OPA1: variants seen among roughly 807,000 people sequenced by gnomAD.
OPA1 encodes dynamin-like GTPase OPA1, mitochondrial.
In OPA1, 59 loss-of-function variants were observed where a neutral mutation model predicts 152.9. The observed-to-expected ratio is 0.39, with a 90% confidence interval of 0.31 to 0.48. The LOEUF (loss-of-function observed/expected upper bound fraction) is 0.48, where lower values mean the gene tolerates loss of function less well. Among genes scored for constraint, OPA1 ranks in the 20% least tolerant of loss-of-function variants. The pLI is 0.96. For missense variants in OPA1, 1,008 were observed against 1,216.8 expected (o/e 0.83, Z 2.55); for synonymous variants, 400 against 389.9 (o/e 1.03, Z -0.31).
intron 1 of OPA1, chr3:193,613,864 C>T (rs1022212533): frequency 1.2e-5 from 6 of 512,046 alleles, no homozygotes; most frequent in Non-Finnish European, 2.3e-5. Flanking sequence ...AGGTGTGAGC[C>T]ACCACACCCT....
rs188090613 is a variant in OPA1, at chr3:193,647,191, T to A, written c.1870+11T>A. ...CTGATAGTTTCAAAGGTAAGTTGGA[T>A]TTTTTAAAGAAGCAAGCAAATTAAG... On this transcript the variant is annotated intron_variant, in intron 19 of 30. Coordinates refer to ENST00000361510, the MANE Select transcript of OPA1 (RefSeq NM_130837.3). 1.0e-5 allele frequency: 16 copies of A among 1,571,872 alleles called. No individual in the cohort carries two copies. In the Admixed American group the frequency reaches 2.5e-4, roughly 25 times the overall value.
At chr3:193,607,988 G>T (rs1936282401) in intron 1 of OPA1, among the ~76,000 whole-genome samples, 1 of 152,164 alleles carries the variant, frequency 6.6e-6, no homozygotes. Context: ...TCCCTTGTAT[G>T]TTGGATTCCT....
At chr3:193,662,738 A>C (rs1715590959) in intron 25 of OPA1, 84 bp from the exon 26 acceptor site, 4 of 1,063,790 alleles carry the variant, frequency 3.8e-6, no homozygotes, top group Admixed American at 2.0e-5. Flanking sequence ...ATGCAATAGT[A>C]ATGTATTTAT....
At chr3:193,676,766 G>A (rs1032161647) in intron 29 of OPA1, among the ~76,000 whole-genome samples, 2 of 152,052 alleles carry the variant, frequency 1.3e-5, no homozygotes, top group Admixed American at 6.6e-5. Context: ...GGATCACAAG[G>A]TCAGGAGATC....
At chr3:193,663,392 T>C (rs1277309105) in intron 26 of OPA1, among the ~76,000 whole-genome samples, 2 of 152,176 alleles carry the variant, frequency 1.3e-5, no homozygotes, top group African/African-American at 4.8e-5. Context: ...ATAAAAATGT[T>C]GTTTTTATTA....
At chr3:193,667,772 A>G (rs938542528) in intron 29 of OPA1, among the ~76,000 whole-genome samples, 2 of 151,762 alleles carry the variant, frequency 1.3e-5, no homozygotes, top group East Asian at 1.9e-4. Context: ...AAGTAGGTTC[A>G]TGTATAGTTC....
chr3:193,632,649 G>A (rs370678657), intron 8 of OPA1, among the ~76,000 whole-genome samples: 4 of 152,022 alleles, frequency 2.6e-5, no homozygotes, highest in South Asian at 2.1e-4. Flanking sequence ...CAGGAGGATC[G>A]CTTGAGCCCA....
intron 1 of OPA1, among the ~76,000 whole-genome samples, chr3:193,598,089 A>G (rs188191110): frequency 6.6e-6 from 1 of 152,340 alleles, no homozygotes; most frequent in East Asian, 1.9e-4. Flanking sequence ...TCAAAAATAA[A>G]TAAATACCCT....
Position 193,618,933 on chromosome 3 carries a change from A to G in OPA1, c.675A>G (p.Arg225=). 6.2e-7 allele frequency: 1 copy of G among 1,612,624 alleles called. No homozygotes were observed. The highest frequency in any genetic ancestry group is 8.5e-7 in the Non-Finnish European group (1 of 1,178,600). Residue 225 remains arginine, a synonymous_variant, in exon 6 of 31, where the codon AGA becomes AGG. Coordinates refer to ENST00000361510, the MANE Select transcript of OPA1 (RefSeq NM_130837.3). ...GATCTGAAAGTGACAAGCATTTTAG[A>G]AAGGTAAGTGTAAAAGAGAATTGTT... ...DRGSESDKHF[R]KGLLGELILL...
intron 5 of OPA1, chr3:193,618,477 C>A (rs1291832987): frequency 2.8e-5 from 6 of 212,648 alleles, no homozygotes; most frequent in Admixed American, 2.7e-4. Context: ...GACTCTGCCC[C>A]CCACCCCCAA....
intron 22 of OPA1, among the ~76,000 whole-genome samples, chr3:193,656,567 A>T (rs1713868641): frequency 1.3e-5 from 2 of 152,236 alleles, no homozygotes; most frequent in Admixed American, 1.3e-4. Context: ...AGCTATGAAG[A>T]TGACTGAATC....
intron 29 of OPA1, among the ~76,000 whole-genome samples, chr3:193,681,407 A>G (rs1230394057): frequency 1.3e-5 from 2 of 152,252 alleles, no homozygotes; most frequent in Admixed American, 6.5e-5. Context: ...CATATATCCT[A>G]CGCAAAAGAT....
chr3:193,612,468 T>C (rs1728406516), intron 1 of OPA1, among the ~76,000 whole-genome samples: 1 of 152,142 alleles, frequency 6.6e-6, no homozygotes, highest in Admixed American at 6.5e-5. Flanking sequence ...AAGAATCTTT[T>C]AAGGAGGCAC....
intron 1 of OPA1, among the ~76,000 whole-genome samples, chr3:193,600,146 A>G (rs1403943623): frequency 1.3e-5 from 2 of 152,202 alleles, no homozygotes; most frequent in African/African-American, 4.8e-5. Flanking sequence ...TTCGGGCCAT[A>G]TTTAGTTCGC....
chr3:193,643,281 A>G (rs1734056612), intron 13 of OPA1, 92 bp from the exon 14 acceptor site: 3 of 1,038,486 alleles, frequency 2.9e-6, no homozygotes, highest in Non-Finnish European at 4.5e-6. Context: ...TGGATGAGAT[A>G]TAGAATTTTT....
chr3:193,617,677 C>T (rs1729275170), intron 4 of OPA1, 107 bp from the exon 5 acceptor site: 1 of 822,384 alleles, frequency 1.2e-6, no homozygotes, highest in East Asian at 2.5e-5. Context: ...CATATTTGCC[C>T]AATTATTGCC....
intron 29 of OPA1, among the ~76,000 whole-genome samples, chr3:193,684,218 G>A (rs984934348): frequency 2.0e-5 from 3 of 152,128 alleles, no homozygotes; most frequent in Admixed American, 6.5e-5. Context: ...GCTAACATGC[G>A]TAGTTCTAGG....
At chr3:193,691,734 ATT>A (rs1316150944) in intron 29 of OPA1, 2 of 182,192 alleles carry the variant, frequency 1.1e-5, no homozygotes, top group African/African-American at 4.7e-5. Flanking sequence ...TGGGTTCTTA[ATT>A]GGGCTTCAGA....
intron 3 of OPA1, among the ~76,000 whole-genome samples, chr3:193,616,756 C>G (rs1729074949): frequency 6.6e-6 from 1 of 152,094 alleles, no homozygotes; most frequent in African/African-American, 2.4e-5. Context: ...TTTTTAAAAC[C>G]TTTGTCAGAT....
Sources: gnomAD v4.1 joint callset for allele counts (sites outside exome capture counted in the v4.1 genomes callset) on GRCh38, gnomAD v4.1.1 for gene constraint, MANE v1.5 for transcripts, NCBI Gene and HGNC (gene_info 2026-07-23, HGNC 2026-07-21) for gene names.